LLGL1: variants seen among roughly 807,000 people sequenced by gnomAD.
LLGL1 encodes the protein lethal(2) giant larvae protein homolog 1.
A neutral mutation model predicts 110.6 loss-of-function variants in LLGL1; 58 were observed. That is an observed-to-expected ratio of 0.52 (90% CI 0.42 to 0.65). The LOEUF (loss-of-function observed/expected upper bound fraction) is 0.65, where lower values mean the gene tolerates loss of function less well. LLGL1 is among the 30% of genes least tolerant of loss of function. The pLI, the probability that LLGL1 is intolerant of heterozygous loss-of-function variation, is 0.00. For missense variants in LLGL1, 1,229 were observed against 1,462.1 expected (o/e 0.84, Z 2.60); for synonymous variants, 674 against 607.2 (o/e 1.11, Z -1.62).
rs2047800843 is a variant in LLGL1, at chr17:18,240,372, C to T, written c.2207-206C>T. 6.6e-6 allele frequency among the ~76,000 whole-genome samples: 1 copy of T among 152,112 alleles called. No individual in the cohort carries two copies. Among genetic ancestry groups the T allele is most frequent in the Non-Finnish European group, 1.5e-5 (1 of 68,018 alleles). ...CATCCTGGGCTCCGACTGCAGTCAGCAGCATAGAGCTGGGGTCTCAGGCCT... is the reference window on the plus strand; with the variant it reads ...CATCCTGGGCTCCGACTGCAGTCAGTAGCATAGAGCTGGGGTCTCAGGCCT... On this transcript the variant is annotated intron_variant, in intron 16 of 22. Coordinates refer to ENST00000316843, the MANE Select transcript of LLGL1 (RefSeq NM_004140.4). This position sits in a 1 kb window ranked among gnomAD's most constrained non-coding sequence, Gnocchi z 5.3.
In LLGL1 at chr17:18,240,769, G is replaced by T; in HGVS notation, c.2398G>T (p.Gly800Cys). The T allele has an allele frequency of 1.2e-6, 2 of 1,607,500 alleles. No individual in the cohort carries two copies. Among genetic ancestry groups the T allele is most frequent in the Non-Finnish European group, 8.5e-7 (1 of 1,177,002 alleles). ...VVAIAVLDGRGRPLPEPYEAS... is the reference protein window; with the variant it reads ...VVAIAVLDGRCRPLPEPYEAS... ...GGCCATTGCCGTGTTGGACGGGCGT[G>T]GCCGCCCACTGCCCGAGCCCTACGA... is the stretch of plus-strand genomic sequence containing the variant. The change falls in exon 17 of 23, where the codon GGC (glycine) becomes TGC (cysteine). Residue 800 changes from glycine to cysteine, a missense_variant. Coordinates refer to ENST00000316843, the MANE Select transcript of LLGL1 (RefSeq NM_004140.4). The surrounding 1 kb of genome is among the most constrained non-coding windows in gnomAD (Gnocchi z 5.3).
At chr17:18,235,742 A>G in intron 11 of LLGL1, 1 of 587,930 alleles carries the variant, frequency 1.7e-6, no homozygotes, top group Admixed American at 3.1e-5. Flanking sequence ...TTTGGCCTGG[A>G]ACTGAGCTCT....
chr17:18,242,948 GA>G (rs1645867082), intron 22 of LLGL1, 126 bp downstream of exon 22: 1 of 878,154 alleles, frequency 1.1e-6, no homozygotes, highest in African/African-American at 1.7e-5. Context: ...GGCACTCTCT[GA>G]AACCTGGCTG....
chr17:18,236,852 C>T lies in LLGL1; in HGVS notation c.1524C>T (p.Pro508=). The change falls in exon 13 of 23, where the codon CCC becomes CCT. Residue 508 remains proline, a synonymous_variant. Coordinates refer to ENST00000316843, the MANE Select transcript of LLGL1 (RefSeq NM_004140.4). ...PPFRKVGCFD[P]YSDDPRLGVQ... is the part of the protein sequence containing the mutation. Reference sequence around the variant, plus strand: ...CCCTCTAGGTGGGCTGCTTCGATCCCTACAGTGACGATCCCCGGCTTGGCG... The same window carrying T: ...CCCTCTAGGTGGGCTGCTTCGATCCTTACAGTGACGATCCCCGGCTTGGCG... The T allele has an allele frequency of 6.2e-7, 1 of 1,613,906 alleles. No homozygotes were observed. Among genetic ancestry groups the T allele is most frequent in the Non-Finnish European group, 8.5e-7 (1 of 1,179,974 alleles).
At position 18,244,738 on chromosome 17, in the gene LLGL1, G is replaced by GGGGGT. The variant is rs2047959309; in HGVS notation, c.*836_*837insTGGGG. 13 of 39,252 alleles carry GGGGGT rather than the reference G, an allele frequency of 3.3e-4. No homozygotes were observed. The highest frequency in any genetic ancestry group is 1.4e-3 in the East Asian group (2 of 1,452). 2.4% of individuals were successfully genotyped at this position (39,252 alleles called of 1,614,324 possible). On this transcript the variant is annotated 3_prime_UTR_variant, in exon 23 of 23. Coordinates refer to ENST00000316843, the MANE Select transcript of LLGL1 (RefSeq NM_004140.4). ...TGTGTCCGGCGGGGGGGGGGGGCAG[G>GGGGGT]GGGGGGGGTCAAGATGAGTTTCCCT... is the stretch of plus-strand genomic sequence containing the variant.
rs376624236 is a variant in LLGL1, at chr17:18,241,859, C to T, written c.2768-26C>T. 5 of 1,603,612 alleles carry T rather than the reference C, an allele frequency of 3.1e-6. No homozygotes were observed. In the African/African-American group the frequency reaches 4.0e-5, roughly 13 times the overall value. On this transcript the variant is annotated intron_variant, in intron 18 of 22. Transcript: ENST00000316843. ...TGTGGTTGGTGGTATCTTCTAACTGCACTCCTCATTCTTCTGCCCACCCAG... is the reference window on the plus strand; with the variant it reads ...TGTGGTTGGTGGTATCTTCTAACTGTACTCCTCATTCTTCTGCCCACCCAG...
In LLGL1 at chr17:18,241,645, G is replaced by GCA; in HGVS notation, c.2699_2700dup (p.Tyr901ThrfsTer27). On this transcript the variant is annotated frameshift_variant, in exon 18 of 23. Coordinates refer to ENST00000316843, the MANE Select transcript of LLGL1 (RefSeq NM_004140.4). LOFTEE classifies it high-confidence loss of function. ...CGGTGCCTGGCCTGCGGCCCCAGGT[G>GCA]CACTATTCCTGCATCCGGAAGGAGG... 6.2e-7 allele frequency: 1 copy of GCA among 1,613,728 alleles called. No individual in the cohort carries two copies. The highest frequency in any genetic ancestry group is 1.3e-5 in the African/African-American group (1 of 75,074).
At position 18,237,591 on chromosome 17, in the gene LLGL1, G is replaced by A. The variant is rs1277917968; in HGVS notation, c.1722G>A (p.Leu574=). The A allele has an allele frequency of 3.1e-6, 5 of 1,610,712 alleles. No individual in the cohort carries two copies. The highest frequency in any genetic ancestry group is 4.2e-6 in the Non-Finnish European group (5 of 1,179,572). The change falls in exon 14 of 23, where the codon CTG becomes CTA. Residue 574 remains leucine, a synonymous_variant. Coordinates refer to ENST00000316843, the MANE Select transcript of LLGL1 (RefSeq NM_004140.4). ...EGFTWKGHER[L]SPRTGPLPWP... ...TCACATGGAAGGGCCACGAGCGGCT[G>A]AGCCCACGCACGGGGCCGCTGCCCT... is the stretch of plus-strand genomic sequence containing the variant.
chr17:18,235,960 G>A (rs2047684213), intron 11 of LLGL1: 1 of 217,480 alleles, frequency 4.6e-6, no homozygotes, highest in South Asian at 7.2e-5. Flanking sequence ...ACTCTGGTGT[G>A]CCCTTCCCTG....
At position 18,240,917 on chromosome 17, in the gene LLGL1, C is replaced by T. The variant is rs201914368; in HGVS notation, c.2502+44C>T. 5.4e-6 allele frequency: 8 copies of T among 1,472,324 alleles called. No homozygotes were observed. Among genetic ancestry groups the T allele is most frequent in the South Asian group, 2.7e-5 (2 of 72,930 alleles). 91.2% of individuals were successfully genotyped at this position (1,472,324 alleles called of 1,614,324 possible). A position where few individuals can be genotyped will look rare whatever the true frequency, so the allele number is the denominator to read the frequency against. ...TGGGGGACTCTGGGGGACTCCCCTC[C>T]AGGCCCCAACCTCATGGACACCATT... On this transcript the variant is annotated intron_variant, in intron 17 of 22. Coordinates refer to ENST00000316843, the MANE Select transcript of LLGL1 (RefSeq NM_004140.4). The surrounding 1 kb of genome is among the most constrained non-coding windows in gnomAD (Gnocchi z 5.3).
chr17:18,238,060 C>T lies in LLGL1; in HGVS notation c.1905-7C>T, dbSNP rs777493293. 2.5e-6 allele frequency: 4 copies of T among 1,613,232 alleles called. No individual in the cohort carries two copies. Among genetic ancestry groups the T allele is most frequent in the East Asian group, 2.2e-5 (1 of 44,878 alleles). On this transcript the variant is annotated splice_region_variant and splice_polypyrimidine_tract_variant and intron_variant, in intron 14 of 22. Transcript: ENST00000316843. ...CTATAGCACGACTGGACCCTGTCTT[C>T]CCCCAGGTGCACTCTTCACCCCAAT...
Position 18,232,751 on chromosome 17 carries a change from A to G in LLGL1, c.341A>G (p.Glu114Gly). The G allele has an allele frequency of 6.2e-7, 1 of 1,614,084 alleles. No individual in the cohort carries two copies. Among genetic ancestry groups the G allele is most frequent in the Non-Finnish European group, 8.5e-7 (1 of 1,180,030 alleles). The change falls in exon 4 of 23, where the codon GAA becomes GGA. Residue 114 changes from glutamate to glycine, a missense_variant. By Grantham distance (98) the Glu-to-Gly change is moderately conservative. Coordinates refer to ENST00000316843, the MANE Select transcript of LLGL1 (RefSeq NM_004140.4). Reference sequence around the variant, plus strand: ...CACCATAATGGCTGTGCCCACCTGGAAGAAGCACTCAGTTTCCAGCTGCCC... The same window carrying G: ...CACCATAATGGCTGTGCCCACCTGGGAGAAGCACTCAGTTTCCAGCTGCCC... ...IVHHNGCAHL[E>G]EALSFQLPSR...
Position 18,234,991 on chromosome 17 carries a change from A to G in LLGL1, c.1058A>G (p.Asp353Gly). Residue 353 changes from aspartate (D) to glycine (G), a missense_variant and splice_region_variant, in exon 9 of 23, where the codon GAT becomes GGT. Asp to Gly is a moderately conservative substitution (Grantham distance 94). Transcript: ENST00000316843. ...ACAGTGCACAGCACACGGCCCGAGG[A>G]TGGTGCGTGCCCTGCCGTACCCTAC... ...FFTVHSTRPE[D>G]EFDDPQALAV... The G allele has an allele frequency of 6.2e-7, 1 of 1,613,796 alleles. No individual in the cohort carries two copies. Among genetic ancestry groups the G allele is most frequent in the Non-Finnish European group, 8.5e-7 (1 of 1,179,986 alleles).
intron 1 of LLGL1, among the ~76,000 whole-genome samples, chr17:18,227,218 G>T (rs1000265507): frequency 1.3e-5 from 2 of 152,146 alleles, no homozygotes; most frequent in African/African-American, 4.8e-5. Flanking sequence ...GAGCTGCCAG[G>T]ACCCTCACAC....
At position 18,226,781 on chromosome 17, in the gene LLGL1, A is replaced by G. The variant is rs2047453638; in HGVS notation, c.81+1018A>G. On this transcript the variant is annotated intron_variant, in intron 1 of 22. Coordinates refer to ENST00000316843, the MANE Select transcript of LLGL1 (RefSeq NM_004140.4). ...TCAGCCCCCGCCTCCCTCTGCACTG[A>G]TGTTAGAGCAGGGCCTCAGCCCACT... Among the ~76,000 whole-genome samples the G allele has an allele frequency of 3.3e-5, 5 of 152,304 alleles. No homozygotes were observed. The South Asian group carries it at 1.0e-3, about 32-fold the overall frequency.
chr17:18,241,870 C>G lies in LLGL1; in HGVS notation c.2768-15C>G, dbSNP rs140250623. The G allele has an allele frequency of 3.7e-4, 601 of 1,609,588 alleles. 2 individuals carry two copies. In the African/African-American group the frequency reaches 4.9e-3, roughly 13 times the overall value. ...GTATCTTCTAACTGCACTCCTCATT[C>G]TTCTGCCCACCCAGGCTTTTACCTG... On this transcript the variant is annotated splice_polypyrimidine_tract_variant and intron_variant, in intron 18 of 22. Coordinates refer to ENST00000316843, the MANE Select transcript of LLGL1 (RefSeq NM_004140.4).
chr17:18,229,381 C>A (rs974589624), intron 1 of LLGL1, among the ~76,000 whole-genome samples: 1 of 152,132 alleles, frequency 6.6e-6, no homozygotes, highest in Non-Finnish European at 1.5e-5. Context: ...CCTCTCTGGG[C>A]CTCTGTCTCC....
Position 18,240,720 on chromosome 17 carries a change from G to A in LLGL1, c.2349G>A (p.Gln783=), listed in dbSNP as rs762488836. The A allele has an allele frequency of 5.0e-6, 8 of 1,612,832 alleles. No individual in the cohort carries two copies. Among genetic ancestry groups the A allele is most frequent in the East Asian group, 2.2e-5 (1 of 44,876 alleles). The change falls in exon 17 of 23, where the codon CAG becomes CAA. Residue 783 remains glutamine, a synonymous_variant. Transcript: ENST00000316843. This position sits in a 1 kb window ranked among gnomAD's most constrained non-coding sequence, Gnocchi z 5.3. The part of the protein sequence containing the change: ...AVEAVLGKEV[Q]LMHRAPVVAI... ...AGGCCGTGCTGGGCAAGGAGGTGCA[G>A]CTGATGCACCGGGCGCCTGTGGTGG...
rs745717343 is a variant in LLGL1, at chr17:18,238,613, A to AGGCAGG, written c.2206+18_2206+23dup. ...GCCGACACATTCCTTCGAGATGGTA[A>AGGCAGG]GGCAGGGGCAGGGGCAGGGACAGGG... is the stretch of plus-strand genomic sequence containing the variant. On this transcript the variant is annotated splice_donor_region_variant and intron_variant, in intron 16 of 22. Coordinates refer to ENST00000316843, the MANE Select transcript of LLGL1 (RefSeq NM_004140.4). 1.8e-5 allele frequency: 29 copies of AGGCAGG among 1,608,978 alleles called. No individual in the cohort carries two copies. The highest frequency in any genetic ancestry group is 1.2e-4 in the African/African-American group (9 of 74,968).
Sources: allele counts gnomAD v4.1 joint callset (sites outside exome capture counted in the v4.1 genomes callset), GRCh38; gene constraint gnomAD v4.1.1; non-coding constraint Gnocchi (gnomAD v3.1); transcripts MANE v1.5; gene names NCBI Gene and HGNC (gene_info 2026-07-23, HGNC 2026-07-21).